The following CBFA2T2 variants were observed in gnomAD, a reference collection of about 807,000 sequenced individuals.
The protein encoded by CBFA2T2 is protein CBFA2T2.
A neutral mutation model predicts 62.2 loss-of-function variants in CBFA2T2; 11 were observed. That is an observed-to-expected ratio of 0.18 (90% CI 0.11 to 0.29). The LOEUF (loss-of-function observed/expected upper bound fraction) is 0.29. Among genes scored for constraint, CBFA2T2 ranks in the 10% least tolerant of loss-of-function variants. The pLI, the probability that CBFA2T2 is intolerant of heterozygous loss-of-function variation, is 1.00. For missense variants in CBFA2T2, 592 were observed against 774.1 expected, an observed-to-expected ratio of 0.76 and a Z score of 2.79; for synonymous variants, 295 against 287.5, an observed-to-expected ratio of 1.03 and a Z score of -0.27.
intron 10 of CBFA2T2, 49 bp from the exon 11 acceptor site, chr20:33,644,298 G>T: frequency 6.4e-7 from 1 of 1,572,570 alleles, no homozygotes; most frequent in Non-Finnish European, 8.7e-7. Flanking sequence ...TGAATGGCAA[G>T]CCTGCCCCTC....
At chr20:33,624,235 G>GT (rs373696424) in intron 5 of CBFA2T2, among the ~76,000 whole-genome samples, 816 of 52,010 alleles carry the variant, frequency 0.016, 7 homozygotes, top group African/African-American at 0.06. Flanking sequence ...TTTTTTAAAA[G>GT]TAAAAAAAAA....
intron 1 of CBFA2T2, among the ~76,000 whole-genome samples, chr20:33,541,364 G>A (rs537367809): frequency 1.3e-5 from 2 of 152,300 alleles, no homozygotes; most frequent in South Asian, 2.1e-4. Context: ...CCATATACCC[G>A]CCCATCTCCA....
chr20:33,649,871 A>C lies in CBFA2T2; in HGVS notation c.*5225A>C, dbSNP rs2017190169. The C allele has an allele frequency of 6.5e-6, 1 of 152,680 alleles. No individual in the cohort carries two copies. Among genetic ancestry groups the C allele is most frequent in the East Asian group, 1.9e-4 (1 of 5,182 alleles). The allele number at this position is 152,680 out of a possible 1,614,324, so 9.5% of individuals were successfully genotyped here. On this transcript the variant is annotated 3_prime_UTR_variant, in exon 11 of 11. Coordinates refer to ENST00000342704, the MANE Select transcript of CBFA2T2 (RefSeq NM_001032999.3). ...TGACACCACCCACAGAATGCATTAG[A>C]ATCTGGTTTTTCTGTGCTTTGTCAT...
Position 33,619,533 on chromosome 20 carries a change from T to C in CBFA2T2, c.437T>C (p.Ile146Thr). 4 of 1,603,636 alleles carry C rather than the reference T, an allele frequency of 2.5e-6. No homozygotes were observed. The highest frequency in any genetic ancestry group is 2.6e-6 in the Non-Finnish European group (3 of 1,175,642). ...VLALVNSTVTIEEFHCKLQEA... is the reference protein window; with the variant it reads ...VLALVNSTVTTEEFHCKLQEA... ...TCTTTTCAGAACTCAACAGTGACAA[T>C]TGAGGAATTCCACTGTAAGCTCCAA... is the stretch of plus-strand genomic sequence containing the variant. Residue 146 changes from isoleucine (I) to threonine (T), a missense_variant, in exon 4 of 11, where the codon ATT becomes ACT. Ile to Thr is a moderately conservative substitution (Grantham distance 89). Coordinates refer to ENST00000342704, the MANE Select transcript of CBFA2T2 (RefSeq NM_001032999.3).
rs1555852478 is a variant in CBFA2T2, at chr20:33,647,136, C to CTAAGGGGGACGGAGTCAG, written c.*2493_*2510dup. 6.6e-6 allele frequency: 1 copy of CTAAGGGGGACGGAGTCAG among 152,238 alleles called. No individual in the cohort carries two copies. Among genetic ancestry groups the CTAAGGGGGACGGAGTCAG allele is most frequent in the African/African-American group, 2.4e-5 (1 of 41,424 alleles). The allele number at this position is 152,238 out of a possible 1,614,324, so 9.4% of individuals were successfully genotyped here. On this transcript the variant is annotated 3_prime_UTR_variant, in exon 11 of 11. Transcript: ENST00000342704. ...AAGCCACAGTCCTTGGTGGGGAACTCTAAGGGGGACGGAGTCAGTACCCCG... is the reference window on the plus strand; with the variant it reads ...AAGCCACAGTCCTTGGTGGGGAACTCTAAGGGGGACGGAGTCAGTAAGGGGGACGGAGTCAGTACCCCG...
At chr20:33,624,009 C>T (rs1296779511) in intron 5 of CBFA2T2, 6 of 558,766 alleles carry the variant, frequency 1.1e-5, no homozygotes, top group Non-Finnish European at 1.9e-5. Context: ...ATACAATCTG[C>T]CAAATGCCTT....
chr20:33,624,696 G>T (rs773440340), intron 5 of CBFA2T2, 68 bp from the exon 6 acceptor site: 34 of 1,557,898 alleles, frequency 2.2e-5, no homozygotes, highest in Non-Finnish European at 3.0e-5. Flanking sequence ...TACATAGTAG[G>T]TTCTCAGGAA....
chr20:33,601,700 T>C (rs2015139115), intron 1 of CBFA2T2: 1 of 152,224 alleles, frequency 6.6e-6, no homozygotes, highest in Admixed American at 6.5e-5. Context: ...TAGAAAGATC[T>C]ATATTCTGCA....
At chr20:33,622,784 C>G (rs1220691558) in intron 4 of CBFA2T2, among the ~76,000 whole-genome samples, 1 of 152,194 alleles carries the variant, frequency 6.6e-6, no homozygotes, top group Admixed American at 6.5e-5. Context: ...AATTCTCTCA[C>G]TGACTAAAGT....
At chr20:33,643,936 A>G (rs1187817339) in intron 10 of CBFA2T2, among the ~76,000 whole-genome samples, 1 of 150,038 alleles carries the variant, frequency 6.7e-6, no homozygotes. Flanking sequence ...GTTCGTCTTA[A>G]CACATGTGGT....
intron 1 of CBFA2T2, among the ~76,000 whole-genome samples, chr20:33,585,471 ATCC>A (rs2014323164): frequency 1.3e-5 from 2 of 152,098 alleles, no homozygotes; most frequent in African/African-American, 4.8e-5. Flanking sequence ...TGAATGAATG[ATCC>A]TTCATAATTA....
chr20:33,609,379 G>A (rs892966260), intron 2 of CBFA2T2, among the ~76,000 whole-genome samples: 3 of 152,220 alleles, frequency 2.0e-5, no homozygotes, highest in African/African-American at 7.2e-5. Flanking sequence ...GTGCGTGCCT[G>A]TAATCCCAGC....
intron 1 of CBFA2T2, among the ~76,000 whole-genome samples, chr20:33,517,137 G>A (rs2146858628): frequency 6.6e-6 from 1 of 152,304 alleles, no homozygotes; most frequent in South Asian, 2.1e-4. Context: ...GGAGCAGTTA[G>A]TTCTTGCAGA....
chr20:33,598,922 G>A (rs1319043012), intron 1 of CBFA2T2, among the ~76,000 whole-genome samples: 20 of 152,220 alleles, frequency 1.3e-4, no homozygotes, highest in Non-Finnish European at 1.6e-4. Flanking sequence ...TGCCCAGGCT[G>A]GTTTTCCAGC....
At chr20:33,572,426 T>C (rs1435451416) in intron 1 of CBFA2T2, among the ~76,000 whole-genome samples, 1 of 152,200 alleles carries the variant, frequency 6.6e-6, no homozygotes, top group Admixed American at 6.5e-5. Context: ...AACAGAATTA[T>C]TTGAATAGTC....
intron 1 of CBFA2T2, among the ~76,000 whole-genome samples, chr20:33,508,925 G>T (rs1437120450): frequency 6.6e-6 from 1 of 152,192 alleles, no homozygotes; most frequent in East Asian, 1.9e-4. Context: ...GAGTTTGGCC[G>T]TGTGTGGAGC....
chr20:33,588,717 C>T (rs145805293), intron 1 of CBFA2T2, among the ~76,000 whole-genome samples: 19 of 152,210 alleles, frequency 1.2e-4, no homozygotes, highest in African/African-American at 4.6e-4. Context: ...GAAGCTGAGC[C>T]AGGTGTATCA....
intron 1 of CBFA2T2, among the ~76,000 whole-genome samples, chr20:33,530,076 C>T (rs1321494904): frequency 6.6e-6 from 1 of 151,850 alleles, no homozygotes; most frequent in Non-Finnish European, 1.5e-5. Context: ...CATGAGCCAC[C>T]TCGCCTGGCC....
intron 1 of CBFA2T2, among the ~76,000 whole-genome samples, chr20:33,552,633 AT>A (rs2012770045): frequency 1.3e-5 from 2 of 152,234 alleles, no homozygotes; most frequent in South Asian, 4.1e-4. Context: ...AGTGAATAAG[AT>A]AGCCTTTGTT....
Sources: gnomAD v4.1 joint callset for allele counts (sites outside exome capture counted in the v4.1 genomes callset) on GRCh38, gnomAD v4.1.1 for gene constraint, MANE v1.5 for transcripts, NCBI Gene and HGNC (gene_info 2026-07-23, HGNC 2026-07-21) for gene names.